Variants in NRG1 observed in about 807,000 individuals in gnomAD.
NRG1 encodes the protein neuregulin 1.
In NRG1, 18 loss-of-function variants were observed where a neutral mutation model predicts 63.8. That is an observed-to-expected ratio of 0.28 (90% CI 0.19 to 0.42). NRG1 has a LOEUF of 0.42. Ranked by LOEUF, NRG1 falls within the 10% of genes least tolerant of loss-of-function variation. The pLI, the probability that NRG1 is intolerant of heterozygous loss-of-function variation, is 1.00. For missense variants in NRG1, 762 were observed against 814.7 expected (o/e 0.94, Z 0.79); for synonymous variants, 302 against 301.3 (o/e 1.00, Z -0.02).
chr8:32,041,146 A>G (rs897770019), intron 1 of NRG1, among the ~76,000 whole-genome samples: 1 of 152,164 alleles, frequency 6.6e-6, no homozygotes, highest in Non-Finnish European at 1.5e-5. Flanking sequence ...TTTTTATAGA[A>G]AAATGGCAAG....
chr8:32,123,103 GTACATT>G (rs1205472137), intron 1 of NRG1, among the ~76,000 whole-genome samples: 2 of 151,956 alleles, frequency 1.3e-5, no homozygotes, highest in Non-Finnish European at 2.9e-5. Flanking sequence ...CTGGATCAGT[GTACATT>G]TGTAATGATC....
intron 5 of NRG1, among the ~76,000 whole-genome samples, chr8:32,682,856 C>G (rs1388022379): frequency 2.0e-5 from 3 of 152,014 alleles, no homozygotes; most frequent in Admixed American, 6.6e-5. Flanking sequence ...GATTTATAGA[C>G]CACATGCTAT....
intron 1 of NRG1, among the ~76,000 whole-genome samples, chr8:31,797,658 A>C (rs918082879): frequency 2.0e-5 from 3 of 152,204 alleles, no homozygotes; most frequent in African/African-American, 7.2e-5. Flanking sequence ...GATGTCTCCT[A>C]TTTATTACAG....
intron 1 of NRG1, among the ~76,000 whole-genome samples, chr8:32,265,316 CAGAG>C: frequency 6.6e-6 from 1 of 151,940 alleles, no homozygotes; most frequent in East Asian, 1.9e-4. Context: ...GCCTGGGCAA[CAGAG>C]AGAGACCCTA....
intron 1 of NRG1, among the ~76,000 whole-genome samples, chr8:32,439,299 G>T (rs1376531296): frequency 2.0e-5 from 3 of 152,102 alleles, no homozygotes; most frequent in Non-Finnish European, 4.4e-5. Flanking sequence ...TGAGGAATGA[G>T]GATACAAAAC....
At chr8:32,528,022 T>A (rs1231501725) in intron 1 of NRG1, among the ~76,000 whole-genome samples, 1 of 152,186 alleles carries the variant, frequency 6.6e-6, no homozygotes, top group Non-Finnish European at 1.5e-5. Context: ...CAAGCTTACA[T>A]CTGCTCCAGG....
At chr8:32,234,056 A>T (rs1303415612) in intron 1 of NRG1, among the ~76,000 whole-genome samples, 1 of 152,224 alleles carries the variant, frequency 6.6e-6, no homozygotes, top group African/African-American at 2.4e-5. Flanking sequence ...GAAAGTATTA[A>T]AATTATTGTA....
intron 1 of NRG1, among the ~76,000 whole-genome samples, chr8:31,991,218 C>G (rs538345079): frequency 6.6e-6 from 1 of 151,810 alleles, no homozygotes. Context: ...AACAAAGTCC[C>G]CCTCCTACCT....
downstream of NRG1, among the ~76,000 whole-genome samples, chr8:32,769,788 T>G (rs1450275293): frequency 6.6e-6 from 1 of 152,172 alleles, no homozygotes; most frequent in African/African-American, 2.4e-5. Flanking sequence ...TTGAATAGGG[T>G]GGTCATGCCC....
intron 1 of NRG1, among the ~76,000 whole-genome samples, chr8:32,153,510 A>G (rs533700367): frequency 3.5e-4 from 54 of 152,312 alleles, no homozygotes; most frequent in African/African-American, 1.3e-3. Flanking sequence ...TTGGTATGCA[A>G]AGAAAGTATG....
At chr8:32,515,824 A>G (rs182641220) in intron 1 of NRG1, among the ~76,000 whole-genome samples, 6 of 152,204 alleles carry the variant, frequency 3.9e-5, no homozygotes, top group Admixed American at 2.0e-4. Context: ...ACCTTTGCCC[A>G]CTGCTTAGTT....
At chr8:31,869,588 G>T (rs927239879) in intron 1 of NRG1, among the ~76,000 whole-genome samples, 4 of 152,160 alleles carry the variant, frequency 2.6e-5, no homozygotes, top group African/African-American at 9.7e-5. Flanking sequence ...AAAAGGCCTG[G>T]TCCCATTAAG....
In NRG1 at chr8:32,080,721, TAGTC is replaced by T. The variant is rs553727949; in HGVS notation, c.37+441293_37+441296del. Reference sequence around the variant, plus strand: ...CTAGGTGAGATATGGCAGGGAATATTAGTCAGGGTTCTCCAGAGGGACAGAACCA... The same window carrying T: ...CTAGGTGAGATATGGCAGGGAATATTAGGGTTCTCCAGAGGGACAGAACCA... On this transcript the variant is annotated intron_variant, in intron 1 of 10. Transcript: ENST00000519301. Among the ~76,000 whole-genome samples the T allele has an allele frequency of 9.2e-4, 139 of 151,386 alleles. No homozygotes were observed. The South Asian group carries it at 9.2e-3, about 10-fold the overall frequency.
chr8:32,078,020 T>C (rs983913485), intron 1 of NRG1, among the ~76,000 whole-genome samples: 2 of 152,164 alleles, frequency 1.3e-5, no homozygotes, highest in African/African-American at 4.8e-5. Context: ...TATAGTAAAA[T>C]ATTTGGTAGT....
chr8:31,804,101 G>T (rs1200606201), intron 1 of NRG1, among the ~76,000 whole-genome samples: 1 of 152,134 alleles, frequency 6.6e-6, no homozygotes, highest in Non-Finnish European at 1.5e-5. Context: ...CAACTAGATT[G>T]CAAAGTCCCT....
intron 1 of NRG1, among the ~76,000 whole-genome samples, chr8:32,173,322 A>C (rs965355101): frequency 1.8e-4 from 27 of 152,172 alleles, no homozygotes; most frequent in Admixed American, 6.5e-4. Flanking sequence ...GCCTGCCCTA[A>C]AAGAGCTCCT....
At chr8:32,410,620 T>TTTA (rs1284330925) in intron 1 of NRG1, among the ~76,000 whole-genome samples, 1 of 152,204 alleles carries the variant, frequency 6.6e-6, no homozygotes, top group Non-Finnish European at 1.5e-5. Context: ...TAGTCTTTCA[T>TTTA]TTCTTCTTCT....
At chr8:31,722,223 A>G (rs1812988476) in intron 1 of NRG1, among the ~76,000 whole-genome samples, 1 of 151,982 alleles carries the variant, frequency 6.6e-6, no homozygotes, top group Admixed American at 6.6e-5. Context: ...AGTTCCCTAT[A>G]TCATGGTATA....
intron 1 of NRG1, among the ~76,000 whole-genome samples, chr8:31,783,612 A>AAC (rs1554530648): frequency 2.7e-3 from 407 of 151,876 alleles, no homozygotes; most frequent in Non-Finnish European, 3.7e-3. Context: ...GCAAAAAAAA[A>AAC]AAAAAACAAA....
Sources: gnomAD v4.1 joint callset for allele counts (sites outside exome capture counted in the v4.1 genomes callset) on GRCh38, gnomAD v4.1.1 for gene constraint, MANE v1.5 for transcripts, NCBI Gene and HGNC (gene_info 2026-07-23, HGNC 2026-07-21) for gene names.